Variants in BCCIP observed in about 807,000 individuals in gnomAD.
BCCIP encodes BRCA2 and CDKN1A interacting protein.
Under a neutral mutation model 32.8 loss-of-function variants are expected in BCCIP, and 23 were observed. The observed-to-expected ratio is 0.70, with a 90% CI of 0.51 to 0.99. The LOEUF (loss-of-function observed/expected upper bound fraction) is 0.99, where lower values mean the gene tolerates loss of function less well. Among genes scored for constraint, BCCIP ranks in the 50% least tolerant of loss-of-function variants. The pLI is 0.00. For synonymous variants in BCCIP, 144 were observed against 137.6 expected, an observed-to-expected ratio of 1.05 and a Z score of -0.33; for missense variants, 378 against 379.8, an observed-to-expected ratio of 1.00 and a Z score of 0.04.
chr10:125,837,126 C>A (rs1854716805), downstream of BCCIP, among the ~76,000 whole-genome samples: 1 of 152,198 alleles, frequency 6.6e-6, no homozygotes, highest in Non-Finnish European at 1.5e-5. Flanking sequence ...TTAGTGGAAA[C>A]TAGTATTTCC....
In BCCIP at chr10:125,826,611, A is replaced by C; in HGVS notation, c.186A>C (p.Glu62Asp). The change falls in exon 2 of 7, where the codon GAA becomes GAC. Residue 62 changes from glutamate (E) to aspartate (D), a missense_variant. Coordinates refer to ENST00000278100, the MANE Select transcript of BCCIP (RefSeq NM_078468.3). ...VIDEEVNIEF[E>D]AYSLSDNDYD... is the part of the protein sequence containing the mutation. ...TACAGGAAGTGAATATTGAATTTGA[A>C]GCTTATTCCCTATCAGATAATGATT... 6.2e-7 allele frequency: 1 copy of C among 1,613,712 alleles called. No individual in the cohort carries two copies. Among genetic ancestry groups the C allele is most frequent in the African/African-American group, 1.3e-5 (1 of 75,016 alleles).
intron 5 of BCCIP, 135 bp from the exon 6 acceptor site, chr10:125,833,637 C>CT: frequency 2.7e-6 from 2 of 733,718 alleles, no homozygotes; most frequent in Non-Finnish European, 4.6e-6. Context: ...TTCCTGTAGA[C>CT]TAAGTGTTCA....
chr10:125,837,727 C>T (rs748773662), downstream of BCCIP, among the ~76,000 whole-genome samples: 12 of 152,140 alleles, frequency 7.9e-5, no homozygotes, highest in African/African-American at 2.2e-4. Context: ...AAAACTATAT[C>T]GAGAAGATGC....
intron 7 of BCCIP, among the ~76,000 whole-genome samples, chr10:125,848,869 G>C (rs950459221): frequency 7.2e-5 from 11 of 152,262 alleles, no homozygotes; most frequent in South Asian, 2.1e-4. Flanking sequence ...TGAACCAATT[G>C]CTTTGATTAT....
In BCCIP at chr10:125,830,675, G is replaced by C. The variant is rs748728527; in HGVS notation, c.411+24G>C. 5.5e-6 allele frequency: 8 copies of C among 1,458,088 alleles called. No individual in the cohort carries two copies. In the South Asian group the frequency reaches 9.8e-5, roughly 18 times the overall value. The allele number at this position is 1,458,088 out of a possible 1,614,324, so 90.3% of individuals were successfully genotyped here. ...AGGTTGGTTTCACTGGATGGCATCT[G>C]AATGGTTATTTCTTAGGCCAAAACC... On this transcript the variant is annotated intron_variant, in intron 4 of 6. Coordinates refer to ENST00000278100, the MANE Select transcript of BCCIP (RefSeq NM_078468.3).
intron 2 of BCCIP, 101 bp downstream of exon 2, chr10:125,826,766 G>A (rs1854398989): frequency 1.3e-6 from 2 of 1,495,918 alleles, no homozygotes; most frequent in Non-Finnish European, 1.8e-6. Context: ...TTGGAAGGCC[G>A]AGGTGAGAGG....
At chr10:125,827,786 A>G in intron 3 of BCCIP, 148 bp downstream of exon 3, 1 of 546,780 alleles carries the variant, frequency 1.8e-6, no homozygotes, top group Non-Finnish European at 3.3e-6. Flanking sequence ...CCTGGGCAAT[A>G]TAGCAATACT....
At position 125,827,001 on chromosome 10, in the gene BCCIP, A is replaced by AAAAAAAAAAAG. The variant is rs1344729538; in HGVS notation, c.240+340_240+341insAAAAAAGAAAA. ...ACAGAGTGAGCCTCTGTCTCTAAAAAAAAAGAAAATTCAGGTCATTCAATA... is the reference window on the plus strand; with the variant it reads ...ACAGAGTGAGCCTCTGTCTCTAAAAAAAAAAAAAAAGAAAAGAAAATTCAGGTCATTCAATA... On this transcript the variant is annotated intron_variant, in intron 2 of 6. Coordinates refer to ENST00000278100, the MANE Select transcript of BCCIP (RefSeq NM_078468.3). Among the ~76,000 whole-genome samples the AAAAAAAAAAAG allele has an allele frequency of 3.3e-5, 5 of 151,566 alleles. No homozygotes were observed. In the East Asian group the frequency reaches 5.8e-4, roughly 18 times the overall value.
intron 7 of BCCIP, among the ~76,000 whole-genome samples, chr10:125,850,360 T>C (rs1419747656): frequency 1.3e-5 from 2 of 148,708 alleles, no homozygotes; most frequent in Non-Finnish European, 3.0e-5. Context: ...CTTTCTTTTT[T>C]TTTTTTTTTT....
downstream of BCCIP, chr10:125,839,207 AAGGCTATTT>A: frequency 6.2e-7 from 1 of 1,609,590 alleles, no homozygotes; most frequent in Non-Finnish European, 8.5e-7. Flanking sequence ...GAAAGAACAC[AAGGCTATTT>A]AGAAATGATT....
downstream of BCCIP, among the ~76,000 whole-genome samples, chr10:125,837,957 C>T (rs1184526713): frequency 6.6e-6 from 1 of 152,174 alleles, no homozygotes; most frequent in Non-Finnish European, 1.5e-5. Flanking sequence ...CTCTAGCATT[C>T]TGTCCTTCTT....
At chr10:125,850,922 G>C (rs1024502055) in intron 7 of BCCIP, among the ~76,000 whole-genome samples, 2 of 152,168 alleles carry the variant, frequency 1.3e-5, no homozygotes, top group African/African-American at 2.4e-5. Flanking sequence ...GCAGTCTCAG[G>C]CCATCTGTTT....
intron 2 of BCCIP, 65 bp downstream of exon 2, chr10:125,826,730 TG>T: frequency 6.3e-7 from 1 of 1,589,984 alleles, no homozygotes; most frequent in African/African-American, 1.3e-5. Context: ...CCGGGTGCAG[TG>T]GTTCATGCCT....
chr10:125,853,299 C>A, exon 8 of BCCIP: 1 of 1,009,952 alleles, frequency 9.9e-7, no homozygotes, highest in Non-Finnish European at 1.4e-6. Context: ...AACATCTCGG[C>A]ACCTAGTAAT....
At chr10:125,842,054 G>A (rs569774721) in exon 7 of BCCIP, 5 of 1,272,510 alleles carry the variant, frequency 3.9e-6, no homozygotes, top group African/African-American at 1.5e-5. Context: ...GTGAAACAAC[G>A]GTTTGCAAGC....
downstream of BCCIP, chr10:125,838,959 A>G (rs752091057): frequency 1.3e-6 from 2 of 1,572,554 alleles, no homozygotes; most frequent in Admixed American, 1.8e-5. Flanking sequence ...AGTATGTGCA[A>G]TTCAGCAGAG....
chr10:125,838,315 G>A (rs761913595), downstream of BCCIP: 1 of 1,613,840 alleles, frequency 6.2e-7, no homozygotes, highest in South Asian at 1.1e-5. Context: ...TAACCAGACA[G>A]GGGATGCAGC....
downstream of BCCIP, chr10:125,836,696 A>G (rs1854696382): frequency 1.2e-6 from 2 of 1,613,714 alleles, no homozygotes; most frequent in East Asian, 2.2e-5. Context: ...GTCACTGGAG[A>G]GTGCATCTCT....
downstream of BCCIP, among the ~76,000 whole-genome samples, chr10:125,845,038 G>A (rs1266356108): frequency 6.6e-6 from 1 of 152,176 alleles, no homozygotes; most frequent in Non-Finnish European, 1.5e-5. Context: ...CTTGGCATCA[G>A]TAGAAAACCT....
Sources: allele counts gnomAD v4.1 joint callset (sites outside exome capture counted in the v4.1 genomes callset), GRCh38; gene constraint gnomAD v4.1.1; transcripts MANE v1.5; gene names NCBI Gene and HGNC (gene_info 2026-07-23, HGNC 2026-07-21).